TMTC1: variants seen among roughly 807,000 people sequenced by gnomAD.
TMTC1 encodes transmembrane O-mannosyltransferase targeting cadherins 1, also known as protein O-mannosyl-transferase TMTC1.
Under a neutral mutation model 104.8 loss-of-function variants are expected in TMTC1, and 73 were observed. The observed-to-expected ratio is 0.70, with a 90% CI of 0.58 to 0.85. The LOEUF (loss-of-function observed/expected upper bound fraction) is 0.85. Ranked by LOEUF, TMTC1 falls within the 40% of genes least tolerant of loss-of-function variation. TMTC1 has a pLI of 0.00. For synonymous variants in TMTC1, 434 were observed against 428.7 expected, an observed-to-expected ratio of 1.01 and a Z score of -0.15; for missense variants, 1,035 against 1,096.1, an observed-to-expected ratio of 0.94 and a Z score of 0.79.
intron 3 of TMTC1, among the ~76,000 whole-genome samples, chr12:29,757,650 T>G (rs1471715989): frequency 1.3e-5 from 2 of 152,128 alleles, no homozygotes; most frequent in Non-Finnish European, 2.9e-5. Flanking sequence ...CAGGTTGTAT[T>G]AGTCTGTTTT....
intron 11 of TMTC1, chr12:29,534,867 G>C (rs1486705444): frequency 1.3e-5 from 2 of 152,114 alleles, no homozygotes; most frequent in African/African-American, 4.8e-5. Flanking sequence ...GGAAAGTAAG[G>C]CAGGACATGG....
chr12:29,604,875 G>A (rs895540696), intron 6 of TMTC1, among the ~76,000 whole-genome samples: 1 of 152,038 alleles, frequency 6.6e-6, no homozygotes, highest in Non-Finnish European at 1.5e-5. Flanking sequence ...TGGCAAGCGA[G>A]TATTTACTCC....
At chr12:29,560,118 T>C (rs1331498598) in intron 9 of TMTC1, among the ~76,000 whole-genome samples, 4 of 152,226 alleles carry the variant, frequency 2.6e-5, no homozygotes, top group Non-Finnish European at 5.9e-5. Flanking sequence ...GAGATGTCTC[T>C]GTTGCTACAT....
chr12:29,660,528 A>T (rs1939968859), intron 5 of TMTC1, among the ~76,000 whole-genome samples: 1 of 152,180 alleles, frequency 6.6e-6, no homozygotes, highest in Non-Finnish European at 1.5e-5. Context: ...TCCTCTTGAG[A>T]CAACTCAGCC....
intron 7 of TMTC1, among the ~76,000 whole-genome samples, chr12:29,592,661 G>A (rs569394345): frequency 6.6e-5 from 10 of 152,146 alleles, no homozygotes; most frequent in African/African-American, 1.9e-4. Flanking sequence ...GGAAAGCCTC[G>A]GTTTGCATGT....
intron 6 of TMTC1, among the ~76,000 whole-genome samples, chr12:29,608,797 C>T (rs1180430963): frequency 6.6e-6 from 1 of 152,104 alleles, no homozygotes; most frequent in African/African-American, 2.4e-5. Flanking sequence ...GGCCAAGCAG[C>T]TAAGGGAAGA....
At chr12:29,640,116 A>G (rs1414002116) in intron 5 of TMTC1, among the ~76,000 whole-genome samples, 1 of 152,176 alleles carries the variant, frequency 6.6e-6, no homozygotes, top group African/African-American at 2.4e-5. Context: ...AGATAGTGAG[A>G]CTATTTCCAA....
chr12:29,758,856 T>C (rs1943277047), intron 2 of TMTC1, 79 bp from the exon 3 acceptor site: 2 of 1,231,570 alleles, frequency 1.6e-6, no homozygotes, highest in South Asian at 1.6e-5. Flanking sequence ...ATTACAGAAA[T>C]GTATTTGTTG....
chr12:29,756,651 G>A (rs1943222292), intron 3 of TMTC1, among the ~76,000 whole-genome samples: 1 of 151,888 alleles, frequency 6.6e-6, no homozygotes, highest in African/African-American at 2.4e-5. Flanking sequence ...TTAAGCTTTT[G>A]TTTCACCTTG....
chr12:29,641,938 T>C (rs1938872363), intron 5 of TMTC1, among the ~76,000 whole-genome samples: 1 of 152,112 alleles, frequency 6.6e-6, no homozygotes, highest in Non-Finnish European at 1.5e-5. Context: ...TTTAGAAATG[T>C]GAAATGCCTT....
intron 5 of TMTC1, among the ~76,000 whole-genome samples, chr12:29,689,476 G>A (rs981235284): frequency 6.6e-6 from 1 of 151,976 alleles, no homozygotes; most frequent in Admixed American, 6.6e-5. Flanking sequence ...ACCACACCTG[G>A]CTAAGTTTTG....
At position 29,694,316 on chromosome 12, in the gene TMTC1, C is replaced by T. The variant is rs116637167; in HGVS notation, c.938+57350G>A. Among the ~76,000 whole-genome samples the T allele has an allele frequency of 3.3e-3, 496 of 152,220 alleles. 2 individuals are homozygous for T. Among genetic ancestry groups the T allele is most frequent in the African/African-American group, 0.012 (478 of 41,536 alleles). ...TTACATGTACAGTCATACCTCAGTG[C>T]GCTCAGAGTATTGCTTCCAGGACCC... On this transcript the variant is annotated intron_variant, in intron 5 of 17. Coordinates refer to ENST00000539277, the MANE Select transcript of TMTC1 (RefSeq NM_001193451.2).
At chr12:29,777,677 C>A (rs750911027) in intron 1 of TMTC1, among the ~76,000 whole-genome samples, 1 of 152,082 alleles carries the variant, frequency 6.6e-6, no homozygotes, top group Admixed American at 6.5e-5. Context: ...TCCAAGATAA[C>A]CTTAGGGTGG....
chr12:29,602,857 G>A (rs990449349), intron 7 of TMTC1, among the ~76,000 whole-genome samples: 2 of 152,112 alleles, frequency 1.3e-5, no homozygotes, highest in African/African-American at 4.8e-5. Flanking sequence ...GAGCATTTAT[G>A]GCAGAGGGGC....
chr12:29,756,947 C>A (rs1377464177), intron 3 of TMTC1, among the ~76,000 whole-genome samples: 1 of 152,182 alleles, frequency 6.6e-6, no homozygotes, highest in African/African-American at 2.4e-5. Flanking sequence ...GGATACACTG[C>A]AGGCCTAATC....
chr12:29,670,591 A>G (rs1940466200), intron 5 of TMTC1, among the ~76,000 whole-genome samples: 1 of 152,114 alleles, frequency 6.6e-6, no homozygotes, highest in African/African-American at 2.4e-5. Flanking sequence ...TTCAAATACT[A>G]TTCTCACAGA....
At chr12:29,662,608 C>T (rs1013862164) in intron 5 of TMTC1, among the ~76,000 whole-genome samples, 1 of 147,918 alleles carries the variant, frequency 6.8e-6, no homozygotes, top group Admixed American at 6.9e-5. Context: ...CGAGATCGTG[C>T]CACTACACTC....
chr12:29,651,375 T>C (rs1022017101), intron 5 of TMTC1, among the ~76,000 whole-genome samples: 3 of 152,174 alleles, frequency 2.0e-5, no homozygotes, highest in Non-Finnish European at 2.9e-5. Context: ...GGTGGGGCTA[T>C]TGATGGAATA....
chr12:29,527,083 T>C (rs530250769), intron 11 of TMTC1, among the ~76,000 whole-genome samples: 6 of 152,176 alleles, frequency 3.9e-5, no homozygotes, highest in Non-Finnish European at 5.9e-5. Context: ...AACTTGAAAT[T>C]TGATTTAAGG....
Sources: allele counts gnomAD v4.1 joint callset (sites outside exome capture counted in the v4.1 genomes callset), GRCh38; gene constraint gnomAD v4.1.1; transcripts MANE v1.5; gene names NCBI Gene and HGNC (gene_info 2026-07-23, HGNC 2026-07-21).